Variants in CNTNAP2 observed in about 807,000 individuals in gnomAD.
The protein encoded by CNTNAP2 is contactin associated protein 2.
A neutral mutation model predicts 155.2 loss-of-function variants in CNTNAP2; 98 were observed. The observed-to-expected ratio is 0.63, with a 90% confidence interval of 0.54 to 0.75. The LOEUF is 0.75. Among genes scored for constraint, CNTNAP2 ranks in the 30% least tolerant of loss-of-function variants. The pLI is 0.00. For synonymous variants in CNTNAP2, 651 were observed against 631.2 expected (o/e 1.03, Z -0.47); for missense variants, 1,727 against 1,688.1 (o/e 1.02, Z -0.40).
intron 21 of CNTNAP2, among the ~76,000 whole-genome samples, chr7:148,380,436 A>T (rs1238484627): frequency 6.6e-6 from 1 of 152,220 alleles, no homozygotes; most frequent in Non-Finnish European, 1.5e-5. Flanking sequence ...CACATTTTTG[A>T]AAATCAAATT....
intron 1 of CNTNAP2, among the ~76,000 whole-genome samples, chr7:146,763,671 A>G (rs1054610405): frequency 9.9e-5 from 15 of 152,176 alleles, no homozygotes; most frequent in Admixed American, 5.2e-4. Context: ...GAAAGTCAAC[A>G]ATTATCTAGC....
chr7:146,524,269 A>G (rs532141593), intron 1 of CNTNAP2, among the ~76,000 whole-genome samples: 3 of 152,238 alleles, frequency 2.0e-5, no homozygotes, highest in South Asian at 2.1e-4. Context: ...TCTGCTCTTT[A>G]TCTTACCTCA....
chr7:147,425,252 C>A (rs1797360139), intron 10 of CNTNAP2, among the ~76,000 whole-genome samples: 1 of 95,582 alleles, frequency 1.0e-5, no homozygotes, highest in South Asian at 4.4e-4. Context: ...TTGTTCCACA[C>A]AATGACCATT....
At chr7:146,132,662 G>A (rs1036962591) in intron 1 of CNTNAP2, among the ~76,000 whole-genome samples, 14 of 150,046 alleles carry the variant, frequency 9.3e-5, no homozygotes, top group East Asian at 8.0e-4. Flanking sequence ...GAGAATATGC[G>A]GTGTTTGGTT....
intron 8 of CNTNAP2, among the ~76,000 whole-genome samples, chr7:147,284,762 G>T (rs1366570336): frequency 6.6e-6 from 1 of 151,696 alleles, no homozygotes; most frequent in African/African-American, 2.4e-5. Flanking sequence ...CTACCAAAAG[G>T]GCAGTTGACA....
chr7:148,395,512 G>A (rs1259222668), intron 22 of CNTNAP2, among the ~76,000 whole-genome samples: 1 of 152,150 alleles, frequency 6.6e-6, no homozygotes, highest in Middle Eastern at 3.2e-3. Context: ...AGTTGCCAAA[G>A]CCTTCCCACA....
intron 1 of CNTNAP2, among the ~76,000 whole-genome samples, chr7:146,623,145 C>A (rs868196746): frequency 6.6e-6 from 1 of 151,998 alleles, no homozygotes; most frequent in Non-Finnish European, 1.5e-5. Flanking sequence ...GTCTTGCAAA[C>A]TCTATTTCCA....
chr7:147,371,898 G>C (rs1168675126), intron 9 of CNTNAP2, among the ~76,000 whole-genome samples: 1 of 152,054 alleles, frequency 6.6e-6, no homozygotes, highest in Non-Finnish European at 1.5e-5. Flanking sequence ...GGAGGAAATG[G>C]ACAATGGTAT....
chr7:146,199,212 G>T (rs1472021089), intron 1 of CNTNAP2, among the ~76,000 whole-genome samples: 1 of 152,110 alleles, frequency 6.6e-6, no homozygotes, highest in African/African-American at 2.4e-5. Context: ...CTTAGAGATA[G>T]AATCCAGCAA....
chr7:146,779,702 C>G (rs1163146234), intron 2 of CNTNAP2, among the ~76,000 whole-genome samples: 1 of 152,188 alleles, frequency 6.6e-6, no homozygotes, highest in African/African-American at 2.4e-5. Context: ...AAAGATGTTT[C>G]CTCCTATGTA....
At chr7:147,988,150 T>C (rs1801651318) in intron 15 of CNTNAP2, among the ~76,000 whole-genome samples, 1 of 152,112 alleles carries the variant, frequency 6.6e-6, no homozygotes, top group Admixed American at 6.5e-5. Context: ...GATTGACAAT[T>C]TGTTGAGTTT....
intron 1 of CNTNAP2, among the ~76,000 whole-genome samples, chr7:146,385,868 G>C (rs1376366371): frequency 6.6e-6 from 1 of 152,210 alleles, no homozygotes; most frequent in South Asian, 2.1e-4. Context: ...TATTACAACT[G>C]TTTTAAAGGA....
intron 10 of CNTNAP2, among the ~76,000 whole-genome samples, chr7:147,414,237 C>T (rs1386549294): frequency 6.6e-6 from 1 of 151,712 alleles, no homozygotes; most frequent in Admixed American, 6.6e-5. Context: ...CCAGCTTGGC[C>T]AACATGCTGA....
intron 1 of CNTNAP2, among the ~76,000 whole-genome samples, chr7:146,221,229 A>G (rs1311763181): frequency 6.6e-6 from 1 of 152,172 alleles, no homozygotes; most frequent in African/African-American, 2.4e-5. Flanking sequence ...GTCCTTCCCA[A>G]TAATGCTCAC....
At chr7:146,687,938 A>G (rs925093452) in intron 1 of CNTNAP2, among the ~76,000 whole-genome samples, 1 of 152,170 alleles carries the variant, frequency 6.6e-6, no homozygotes, top group African/African-American at 2.4e-5. Context: ...TACATTACTA[A>G]TGAAACACAG....
At chr7:147,871,914 G>T (rs1799334094) in intron 13 of CNTNAP2, among the ~76,000 whole-genome samples, 1 of 152,088 alleles carries the variant, frequency 6.6e-6, no homozygotes, top group African/African-American at 2.4e-5. Flanking sequence ...TCTTGCTTTG[G>T]TTGGAGCCAC....
chr7:146,674,247 A>T (rs769168601), intron 1 of CNTNAP2, among the ~76,000 whole-genome samples: 94 of 152,314 alleles, frequency 6.2e-4, no homozygotes, highest in Non-Finnish European at 1.1e-3. Context: ...GTTTAATGGA[A>T]ATAACATACA....
At chr7:146,811,081 T>C (rs1044532890) in intron 2 of CNTNAP2, among the ~76,000 whole-genome samples, 2 of 152,188 alleles carry the variant, frequency 1.3e-5, no homozygotes, top group Admixed American at 6.5e-5. Flanking sequence ...TTAGAAGTAT[T>C]GGCCAGTGAT....
intron 13 of CNTNAP2, among the ~76,000 whole-genome samples, chr7:147,762,970 A>G (rs1414951867): frequency 6.6e-6 from 1 of 152,146 alleles, no homozygotes; most frequent in South Asian, 2.1e-4. Context: ...ATCAAGAGTA[A>G]AGATCCGGCT....
Sources: gnomAD v4.1 joint callset for allele counts (sites outside exome capture counted in the v4.1 genomes callset) on GRCh38, gnomAD v4.1.1 for gene constraint, MANE v1.5 for transcripts, NCBI Gene and HGNC (gene_info 2026-07-23, HGNC 2026-07-21) for gene names.